ALK: variants seen among roughly 807,000 people sequenced by gnomAD.
ALK encodes the protein ALK receptor tyrosine kinase.
In ALK, 74 loss-of-function variants were observed where a neutral mutation model predicts 163.1. The ratio of observed to expected loss-of-function variants is 0.45; its 90% CI spans 0.38 to 0.55. The LOEUF is 0.55. Among genes scored for constraint, ALK ranks in the 20% least tolerant of loss-of-function variants. The probability of loss-of-function intolerance (pLI) is 0.00; values close to 1 mark genes in which losing one functional copy is unlikely to be tolerated. For synonymous variants in ALK, 960 were observed against 843.2 expected (o/e 1.14, Z -2.40); for missense variants, 2,063 against 2,105.3 (o/e 0.98, Z 0.39).
At chr2:29,351,226 A>T (rs1484499823) in intron 5 of ALK, among the ~76,000 whole-genome samples, 3 of 152,054 alleles carry the variant, frequency 2.0e-5, no homozygotes, top group African/African-American at 7.2e-5. Flanking sequence ...TTCTTTTGGG[A>T]TCTTATATTT....
intron 1 of ALK, among the ~76,000 whole-genome samples, chr2:29,833,518 TA>T (rs1232670583): frequency 1.3e-5 from 2 of 152,228 alleles, no homozygotes; most frequent in African/African-American, 4.8e-5. Context: ...AAGCAAACAT[TA>T]GGAAGAAATC....
intron 6 of ALK, 69 bp from the exon 7 acceptor site, chr2:29,320,951 C>A: frequency 6.2e-7 from 1 of 1,605,076 alleles, no homozygotes; most frequent in South Asian, 1.1e-5. Flanking sequence ...AATGCCAAGT[C>A]GAATTAGCCA....
At chr2:29,572,464 C>T (rs1013358648) in intron 3 of ALK, among the ~76,000 whole-genome samples, 2 of 152,188 alleles carry the variant, frequency 1.3e-5, no homozygotes, top group East Asian at 1.9e-4. Context: ...CCTGAGCACG[C>T]CTGGCTCTCT....
At chr2:29,564,410 C>G (rs766031925) in intron 3 of ALK, among the ~76,000 whole-genome samples, 1 of 150,076 alleles carries the variant, frequency 6.7e-6, no homozygotes, top group Non-Finnish European at 1.5e-5. Flanking sequence ...AATATTCAAC[C>G]CTGTGCCTTG....
chr2:29,335,226 G>A (rs1054640507), intron 5 of ALK, among the ~76,000 whole-genome samples: 7 of 152,166 alleles, frequency 4.6e-5, no homozygotes, highest in South Asian at 2.1e-4. Flanking sequence ...GGGAAGAGTC[G>A]GTGCTTGGGG....
intron 3 of ALK, among the ~76,000 whole-genome samples, chr2:29,537,628 C>T (rs184998354): frequency 4.3e-4 from 65 of 152,348 alleles, no homozygotes; most frequent in Middle Eastern, 3.4e-3. Flanking sequence ...CACAGAGTCC[C>T]CACTGGGGCA....
At chr2:29,230,404 C>T (rs937672091) in intron 15 of ALK, among the ~76,000 whole-genome samples, 1 of 151,838 alleles carries the variant, frequency 6.6e-6, no homozygotes, top group Non-Finnish European at 1.5e-5. Context: ...CTTTCTGCTG[C>T]AGCAGATGAT....
At chr2:29,657,515 G>C (rs1260041451) in intron 3 of ALK, among the ~76,000 whole-genome samples, 1 of 152,156 alleles carries the variant, frequency 6.6e-6, no homozygotes, top group East Asian at 1.9e-4. Context: ...GGGTAAAGAA[G>C]CTAGGGAATT....
At chr2:29,717,813 A>G in intron 1 of ALK, 116 bp from the exon 2 acceptor site, 1 of 1,408,430 alleles carries the variant, frequency 7.1e-7, no homozygotes, top group South Asian at 1.2e-5. Context: ...ATCCATCGGG[A>G]AGATGAGGGG....
chr2:29,357,603 T>C (rs763591230), intron 5 of ALK, among the ~76,000 whole-genome samples: 12 of 152,202 alleles, frequency 7.9e-5, no homozygotes, highest in Non-Finnish European at 8.8e-5. Flanking sequence ...CTGGTCATAG[T>C]GGGGGTGCTG....
intron 4 of ALK, among the ~76,000 whole-genome samples, chr2:29,433,522 C>G (rs991070379): frequency 6.6e-6 from 1 of 152,202 alleles, no homozygotes; most frequent in Non-Finnish European, 1.5e-5. Context: ...GATTGATAAA[C>G]TTTGCTCTTT....
intron 19 of ALK, 35 bp downstream of exon 19, chr2:29,225,426 C>G (rs368299771): frequency 4.0e-5 from 62 of 1,556,050 alleles, no homozygotes; most frequent in Middle Eastern, 1.8e-4. Flanking sequence ...TGCCTTCCTG[C>G]CCCCTTGGGA....
intron 1 of ALK, among the ~76,000 whole-genome samples, chr2:29,783,648 C>G (rs539588306): frequency 3.3e-5 from 5 of 152,338 alleles, no homozygotes; most frequent in Middle Eastern, 3.4e-3. Flanking sequence ...CTGAGTTTTG[C>G]TGTCCCAGGA....
In ALK at chr2:29,223,301, A is replaced by T. The variant is rs765630813; in HGVS notation, c.3359+41T>A. ...TGCTGTGATAACATTCAGCCCCTAC[A>T]CTGCACCCCTCTCCTCCCAGGACGG... On this transcript the variant is annotated intron_variant, in intron 20 of 28. Coordinates refer to ENST00000389048, the MANE Select transcript of ALK (RefSeq NM_004304.5). 11 of 1,609,802 alleles carry T rather than the reference A, an allele frequency of 6.8e-6. No individual in the cohort carries two copies. In the African/African-American group the frequency reaches 1.3e-4, roughly 20 times the overall value.
chr2:29,333,373 C>T (rs544861796), intron 5 of ALK, among the ~76,000 whole-genome samples: 279 of 152,270 alleles, frequency 1.8e-3, no homozygotes, highest in African/African-American at 6.6e-3. Context: ...ACCTTGGCCT[C>T]CCAAATACAG....
intron 3 of ALK, among the ~76,000 whole-genome samples, chr2:29,621,033 T>A (rs1398699563): frequency 6.6e-6 from 1 of 152,118 alleles, no homozygotes; most frequent in Non-Finnish European, 1.5e-5. Flanking sequence ...GGAAATTTCA[T>A]CTCAGGTGGC....
chr2:29,819,969 A>G (rs1219562831), intron 1 of ALK, among the ~76,000 whole-genome samples: 2 of 152,226 alleles, frequency 1.3e-5, no homozygotes, highest in Non-Finnish European at 2.9e-5. Context: ...AAAACAAAAC[A>G]TCTATCCCTA....
intron 26 of ALK, among the ~76,000 whole-genome samples, chr2:29,200,869 A>C (rs796204807): frequency 1.1e-5 from 1 of 92,536 alleles, no homozygotes; most frequent in South Asian, 5.0e-4. Context: ...ATATATGTGT[A>C]TATATATATT....
intron 5 of ALK, among the ~76,000 whole-genome samples, chr2:29,342,662 G>C (rs1667827178): frequency 6.6e-6 from 1 of 152,172 alleles, no homozygotes; most frequent in African/African-American, 2.4e-5. Flanking sequence ...GAAGACTGTA[G>C]GACAGGGGGA....
Sources: gnomAD v4.1 joint callset for allele counts (sites outside exome capture counted in the v4.1 genomes callset) on GRCh38, gnomAD v4.1.1 for gene constraint, MANE v1.5 for transcripts, NCBI Gene and HGNC (gene_info 2026-07-23, HGNC 2026-07-21) for gene names.